DMD: variants seen among roughly 807,000 people sequenced by gnomAD.
The protein encoded by DMD is dystrophin.
DMD carries 63 observed loss-of-function variants against 330.1 expected under a neutral mutation model. The ratio of observed to expected loss-of-function variants is 0.19; its 90% CI spans 0.16 to 0.24. The LOEUF is 0.24. Ranked by LOEUF, DMD falls within the 10% of genes least tolerant of loss-of-function variation. DMD has a pLI of 1.00. For missense variants in DMD, 3,344 were observed against 2,684.1 expected, an observed-to-expected ratio of 1.25 and a Z score of -5.43; for synonymous variants, 1,223 against 959.8, an observed-to-expected ratio of 1.27 and a Z score of -5.07.
At chrX:32,655,501 G>C (rs1431059195) in intron 9 of DMD, among the ~76,000 whole-genome samples, 1 of 112,280 alleles carries the variant, frequency 8.9e-6, no homozygotes, top group Non-Finnish European at 1.9e-5. Flanking sequence ...TGGTCTGAGA[G>C]ACACTTTGTT....
chrX:32,395,605 T>G (rs890046974), intron 30 of DMD, among the ~76,000 whole-genome samples: 1 of 111,766 alleles, frequency 8.9e-6, no homozygotes, highest in African/African-American at 3.3e-5. Context: ...AAACCCATGC[T>G]CTGTGATCAG....
At chrX:32,929,764 C>G (rs1211281751) in intron 2 of DMD, among the ~76,000 whole-genome samples, 1 of 110,632 alleles carries the variant, frequency 9.0e-6, no homozygotes, top group Non-Finnish European at 1.9e-5. Context: ...TCCCTGTGTC[C>G]ATGTGTTCTT....
chrX:33,075,145 A>G (rs1230463146), intron 1 of DMD, among the ~76,000 whole-genome samples: 2 of 111,618 alleles, frequency 1.8e-5, no homozygotes, highest in Admixed American at 9.5e-5. Flanking sequence ...GCCTTTTGAG[A>G]TATCTGTTCA....
chrX:31,885,611 C>CAAAAAAAAAA (rs762289533), intron 47 of DMD, among the ~76,000 whole-genome samples: 10 of 52,335 alleles, frequency 1.9e-4, no homozygotes, highest in Admixed American at 3.0e-4. Context: ...CTCCGTCTCA[C>CAAAAAAAAAA]AAAAAAAAAA....
chrX:32,459,772 G>C (rs2098376563), intron 25 of DMD, among the ~76,000 whole-genome samples: 1 of 110,926 alleles, frequency 9.0e-6, no homozygotes, highest in Admixed American at 9.7e-5. Flanking sequence ...AGATCTAATG[G>C]GATCTGTTAA....
intron 1 of DMD, among the ~76,000 whole-genome samples, chrX:33,099,431 C>T (rs2095213974): frequency 9.0e-6 from 1 of 110,943 alleles, no homozygotes; most frequent in Non-Finnish European, 1.9e-5. Flanking sequence ...TTCCCTTAAC[C>T]CTACCCACAA....
intron 41 of DMD, among the ~76,000 whole-genome samples, chrX:32,312,347 C>T (rs779798227): frequency 9.0e-6 from 1 of 111,074 alleles, no homozygotes; most frequent in Non-Finnish European, 1.9e-5. Context: ...TCTGATTCTT[C>T]TTTGATATGT....
At chrX:31,454,951 C>CTTT (rs61091457) in intron 59 of DMD, among the ~76,000 whole-genome samples, 12 of 80,149 alleles carry the variant, frequency 1.5e-4, no homozygotes, top group African/African-American at 4.0e-4. Context: ...TTTTCTTTTT[C>CTTT]TTTTTTTTTT....
At chrX:31,665,185 G>T (rs1235524397) in intron 53 of DMD, among the ~76,000 whole-genome samples, 1 of 111,481 alleles carries the variant, frequency 9.0e-6, no homozygotes. Context: ...GAAATTTAAG[G>T]AAAAGGACTG....
chrX:32,108,968 G>A (rs1004356058), intron 44 of DMD, among the ~76,000 whole-genome samples: 11 of 111,654 alleles, frequency 9.9e-5, no homozygotes, highest in Admixed American at 9.6e-4. Context: ...ATTAGGAAAT[G>A]TTTGAACATG....
At chrX:32,779,732 G>A (rs2074528786) in intron 7 of DMD, among the ~76,000 whole-genome samples, 1 of 97,875 alleles carries the variant, frequency 1.0e-5, no homozygotes, top group African/African-American at 3.9e-5. Context: ...GTGGGGGTAT[G>A]GGGGAGGGAT....
At chrX:32,273,995 T>C (rs1313728257) in intron 43 of DMD, among the ~76,000 whole-genome samples, 1 of 112,071 alleles carries the variant, frequency 8.9e-6, no homozygotes, top group East Asian at 2.8e-4. Flanking sequence ...TTTACAGTAA[T>C]GTCTTTTAAA....
intron 51 of DMD, among the ~76,000 whole-genome samples, chrX:31,758,587 G>A (rs193285602): frequency 7.2e-5 from 8 of 111,365 alleles, no homozygotes; most frequent in Admixed American, 5.8e-4. Flanking sequence ...GGGGCTTTGA[G>A]ACACTATACT....
At chrX:33,233,058 C>T (rs898673873) in intron 1 of DMD, among the ~76,000 whole-genome samples, 10 of 110,736 alleles carry the variant, frequency 9.0e-5, no homozygotes, top group Non-Finnish European at 1.7e-4. Flanking sequence ...TCATATATTT[C>T]AAAATTGCTG....
At chrX:32,139,419 A>T (rs925061921) in intron 44 of DMD, among the ~76,000 whole-genome samples, 8 of 112,384 alleles carry the variant, frequency 7.1e-5, no homozygotes, top group African/African-American at 2.6e-4. Flanking sequence ...AACTCAAAAC[A>T]TACTTGCTAT....
At chrX:32,653,284 G>C (rs993951617) in intron 9 of DMD, among the ~76,000 whole-genome samples, 1 of 111,796 alleles carries the variant, frequency 8.9e-6, no homozygotes, top group African/African-American at 3.3e-5. Context: ...GGTTTTTATG[G>C]TTTTAGGTCT....
At chrX:32,210,242 C>T (rs2097088590) in intron 44 of DMD, among the ~76,000 whole-genome samples, 2 of 111,903 alleles carry the variant, frequency 1.8e-5, no homozygotes, top group South Asian at 3.7e-4. Context: ...GTAAATTTTC[C>T]GGCTGATTCC....
intron 54 of DMD, among the ~76,000 whole-genome samples, chrX:31,647,123 T>C (rs2080151366): frequency 8.9e-6 from 1 of 112,359 alleles, no homozygotes. Context: ...TATTTGCTAT[T>C]TCTCCCTGCT....
chrX:32,361,121 G>A (rs1431665060), intron 37 of DMD, among the ~76,000 whole-genome samples: 1 of 110,056 alleles, frequency 9.1e-6, no homozygotes, highest in Non-Finnish European at 1.9e-5. Context: ...CTATAGCTTA[G>A]TGATTTATTA....
Sources: allele counts gnomAD v4.1 joint callset (sites outside exome capture counted in the v4.1 genomes callset), GRCh38; gene constraint gnomAD v4.1.1; transcripts MANE v1.5; gene names NCBI Gene and HGNC (gene_info 2026-07-23, HGNC 2026-07-21).